Variants in SLC30A10 observed in about 807,000 individuals in gnomAD.
SLC30A10 encodes solute carrier family 30 member 10, also known as calcium/manganese antiporter SLC30A10.
SLC30A10 carries 8 observed loss-of-function variants against 21.7 expected under a neutral mutation model. The observed-to-expected ratio is 0.37, with a 90% CI of 0.22 to 0.67. The LOEUF (loss-of-function observed/expected upper bound fraction) is 0.67, where lower values mean the gene tolerates loss of function less well. Ranked by LOEUF, SLC30A10 falls within the 30% of genes least tolerant of loss-of-function variation. The pLI is 0.58. For missense variants in SLC30A10, 521 were observed against 642.5 expected (o/e 0.81, Z 2.04); for synonymous variants, 272 against 279.4 (o/e 0.97, Z 0.26).
At chr1:219,926,132 ATTG>A (rs1558253572) in intron 2 of SLC30A10, among the ~76,000 whole-genome samples, 2 of 152,002 alleles carry the variant, frequency 1.3e-5, no homozygotes, top group Non-Finnish European at 2.9e-5. Context: ...ATCATATGTT[ATTG>A]TTGTTATCTT....
intron 1 of SLC30A10, among the ~76,000 whole-genome samples, chr1:219,946,253 G>A (rs1660185627): frequency 6.6e-6 from 1 of 152,052 alleles, no homozygotes; most frequent in South Asian, 2.1e-4. Flanking sequence ...TTGAACATTT[G>A]GGGGCCTCAG....
chr1:219,928,180 G>C lies in SLC30A10; in HGVS notation c.261C>G (p.Val87=). The change falls in exon 1 of 4, where the codon GTC becomes GTG. Residue 87 remains valine (V), a synonymous_variant. Transcript: ENST00000366926. This position sits in a 1 kb window ranked among gnomAD's most constrained non-coding sequence, Gnocchi z 6.3. The part of the protein sequence containing the change: ...AEVVGALSNA[V]FLTALCFTIF... The stretch of plus-strand genomic sequence containing the variant: ...TGGTGAAGCAGAGCGCGGTGAGGAA[G>C]ACCGCGTTGCTCAGCGCGCCCACCA... 1 of 1,559,454 alleles carries C rather than the reference G, an allele frequency of 6.4e-7. No individual in the cohort carries two copies. Among genetic ancestry groups the C allele is most frequent in the South Asian group, 1.2e-5 (1 of 84,928 alleles).
At chr1:219,941,192 G>A (rs978595429) in intron 1 of SLC30A10, among the ~76,000 whole-genome samples, 1 of 152,236 alleles carries the variant, frequency 6.6e-6, no homozygotes, top group Non-Finnish European at 1.5e-5. Flanking sequence ...TCAGTTGAAT[G>A]ATATGCTTGC....
At position 219,912,526 on chromosome 1, in the gene SLC30A10, G is replaced by A. The variant is rs1023601597; in HGVS notation, c.*2923C>T. Among the ~76,000 whole-genome samples, 9 of 152,068 alleles carry A rather than the reference G, an allele frequency of 5.9e-5. No individual in the cohort carries two copies. Among genetic ancestry groups the A allele is most frequent in the Admixed American group, 5.2e-4 (8 of 15,270 alleles). On this transcript the variant is annotated 3_prime_UTR_variant, in exon 4 of 4. Transcript: ENST00000366926. ...CCTGAGCTGACACACAAAATATGCCGTAGACTTTAAAAATTATGTCAGTTC... is the reference window on the plus strand; with the variant it reads ...CCTGAGCTGACACACAAAATATGCCATAGACTTTAAAAATTATGTCAGTTC...
chr1:219,947,202 A>G (rs945108535), intron 1 of SLC30A10, among the ~76,000 whole-genome samples: 2 of 152,194 alleles, frequency 1.3e-5, no homozygotes, highest in Non-Finnish European at 2.9e-5. Flanking sequence ...ATCTCATGGC[A>G]GATGAAGAAC....
In SLC30A10 at chr1:219,911,055, T is replaced by A. The variant is rs192329130; in HGVS notation, c.*4394A>T. The stretch of plus-strand genomic sequence containing the variant: ...CACAAATACGTGACACTTTATCAGG[T>A]GCATGACTTCTATAGAGCAGGCATG... On this transcript the variant is annotated 3_prime_UTR_variant, in exon 4 of 4. Coordinates refer to ENST00000366926, the MANE Select transcript of SLC30A10 (RefSeq NM_018713.3). 6.6e-6 allele frequency among the ~76,000 whole-genome samples: 1 copy of A among 151,528 alleles called. No homozygotes were observed. Among genetic ancestry groups the A allele is most frequent in the East Asian group, 1.9e-4 (1 of 5,132 alleles).
intron 1 of SLC30A10, 41 bp downstream of exon 1, chr1:219,927,760 A>C (rs1659876419): frequency 6.8e-7 from 1 of 1,470,566 alleles, no homozygotes; most frequent in Non-Finnish European, 9.0e-7. Flanking sequence ...GGGAGGAGGA[A>C]GGAAGGGCCA....
In SLC30A10 at chr1:219,915,517, TCAGA is replaced by T; in HGVS notation, c.1386_1389del (p.Cys462Ter). 1 of 1,614,254 alleles carries T rather than the reference TCAGA, an allele frequency of 6.2e-7. No individual in the cohort carries two copies. The highest frequency in any genetic ancestry group is 1.7e-5 in the Admixed American group (1 of 60,028). ...TTGTTAAGACTTTGTCCGTGGTCAC[TCAGA>T]CAGCTATCCAAAGACACTTCAATAG... On this transcript the variant is annotated frameshift_variant, in exon 4 of 4. Coordinates refer to ENST00000366926, the MANE Select transcript of SLC30A10 (RefSeq NM_018713.3). LOFTEE classifies it low-confidence loss of function (END_TRUNC).
chr1:219,921,222 C>T (rs1460229859), intron 2 of SLC30A10, among the ~76,000 whole-genome samples: 2 of 152,136 alleles, frequency 1.3e-5, no homozygotes, highest in African/African-American at 4.8e-5. Flanking sequence ...TGATGAGTCC[C>T]GGAATGGCCA....
rs1417509468 is a variant in SLC30A10, at chr1:219,928,221, A to G, written c.220T>C (p.Tyr74His). 2 of 1,565,280 alleles carry G rather than the reference A, an allele frequency of 1.3e-6. No individual in the cohort carries two copies. Among genetic ancestry groups the G allele is most frequent in the African/African-American group, 2.7e-5 (2 of 74,000 alleles). Residue 74 changes from tyrosine to histidine, a missense_variant, in exon 1 of 4, where the codon TAC (tyrosine) becomes CAC (histidine). Tyr to His is a moderately conservative substitution (Grantham distance 83). Coordinates refer to ENST00000366926, the MANE Select transcript of SLC30A10 (RefSeq NM_018713.3). The surrounding 1 kb of genome is among the most constrained non-coding windows in gnomAD (Gnocchi z 6.3). ...PTRGFSATYG[Y>H]ARAEVVGALS... ...GCGCCCACCACCTCGGCGCGGGCGT[A>G]GCCGTAGGTGGCGCTGAAGCCCCGG...
At position 219,912,490 on chromosome 1, in the gene SLC30A10, G is replaced by A. The variant is rs1339710103; in HGVS notation, c.*2959C>T. Among the ~76,000 whole-genome samples, 1 of 152,124 alleles carries A rather than the reference G, an allele frequency of 6.6e-6. No homozygotes were observed. The highest frequency in any genetic ancestry group is 1.9e-4 in the East Asian group (1 of 5,176). ...TGTAGAAGGCCAGGTGAGCACACAG[G>A]ACAACTGGTCCCTGAGCTGACACAC... On this transcript the variant is annotated 3_prime_UTR_variant, in exon 4 of 4. Coordinates refer to ENST00000366926, the MANE Select transcript of SLC30A10 (RefSeq NM_018713.3).
At chr1:219,939,060 C>T (rs913590665) in intron 1 of SLC30A10, among the ~76,000 whole-genome samples, 3 of 152,176 alleles carry the variant, frequency 2.0e-5, no homozygotes, top group Non-Finnish European at 4.4e-5. Flanking sequence ...GAGTAATTTG[C>T]TCTCAGAAAC....
chr1:219,958,174 T>A (rs917674695), intron 1 of SLC30A10, among the ~76,000 whole-genome samples: 2 of 139,066 alleles, frequency 1.4e-5, no homozygotes, highest in Admixed American at 6.8e-5. Flanking sequence ...ACATTAACTT[T>A]TTTTTAAATT....
chr1:219,934,246 CCA>C (rs1442132568), intron 1 of SLC30A10, among the ~76,000 whole-genome samples: 1 of 151,868 alleles, frequency 6.6e-6, no homozygotes, highest in East Asian at 1.9e-4. Flanking sequence ...CGAGATCGTG[CCA>C]CTGCACTCTA....
Position 219,940,224 on chromosome 1 carries a change from T to A in SLC30A10, n.81-13119A>T, listed in dbSNP as rs189136850. On this transcript the variant is annotated intron_variant and non_coding_transcript_variant, in intron 1 of 8. Coordinates refer to the SLC30A10 transcript ENST00000484239. Reference sequence around the variant, plus strand: ...ACCCAATGTCCTGAGACCACCCTAGTGCAAGGAAGCCAAGACGCAAGGAGC... The same window carrying A: ...ACCCAATGTCCTGAGACCACCCTAGAGCAAGGAAGCCAAGACGCAAGGAGC... Among the ~76,000 whole-genome samples the A allele has an allele frequency of 1.1e-3, 175 of 152,296 alleles. 2 individuals are homozygous for A. Among genetic ancestry groups the A allele is most frequent in the Admixed American group, 2.1e-3 (32 of 15,300 alleles).
At chr1:219,930,296 A>G (rs1382502023), upstream of SLC30A10, among the ~76,000 whole-genome samples, 2 of 151,842 alleles carry the variant, frequency 1.3e-5, no homozygotes, top group African/African-American at 4.8e-5. Context: ...ATATAGGGAA[A>G]CCCCATCTCT....
At chr1:219,957,444 A>T (rs1218253448) in intron 1 of SLC30A10, among the ~76,000 whole-genome samples, 1 of 152,206 alleles carries the variant, frequency 6.6e-6, no homozygotes, top group Non-Finnish European at 1.5e-5. Context: ...CTTCAGCATC[A>T]AATAAGGAAA....
intron 1 of SLC30A10, among the ~76,000 whole-genome samples, chr1:219,941,399 C>T (rs1660118252): frequency 6.6e-6 from 1 of 152,202 alleles, no homozygotes. Flanking sequence ...CAGGCAGTCA[C>T]AGCAGTGAGT....
At chr1:219,953,425 T>C (rs1437741198) in intron 1 of SLC30A10, among the ~76,000 whole-genome samples, 3 of 151,574 alleles carry the variant, frequency 2.0e-5, no homozygotes, top group Non-Finnish European at 4.4e-5. Flanking sequence ...TGAAACTCCG[T>C]CTCTACTAAA....
Sources: gnomAD v4.1 joint callset for allele counts (sites outside exome capture counted in the v4.1 genomes callset) on GRCh38, gnomAD v4.1.1 for gene constraint, Gnocchi (gnomAD v3.1) non-coding constraint, MANE v1.5 for transcripts, NCBI Gene and HGNC (gene_info 2026-07-23, HGNC 2026-07-21) for gene names.